The following PTPRD variants were observed in gnomAD, a reference collection of about 807,000 sequenced individuals.
PTPRD encodes the protein protein tyrosine phosphatase receptor type D.
Under a neutral mutation model 214.5 loss-of-function variants are expected in PTPRD, and 34 were observed. The ratio of observed to expected loss-of-function variants is 0.16; its 90% confidence interval spans 0.12 to 0.21. PTPRD has a LOEUF of 0.21. Ranked by LOEUF, PTPRD falls within the 10% of genes least tolerant of loss-of-function variation. The pLI, the probability that PTPRD is intolerant of heterozygous loss-of-function variation, is 1.00. For missense variants in PTPRD, 2,545 were observed against 2,398.7 expected (o/e 1.06, Z -1.27); for synonymous variants, 1,128 against 845.7 (o/e 1.33, Z -5.79).
chr9:10,074,467 G>C (rs2098095678), intron 3 of PTPRD, among the ~76,000 whole-genome samples: 1 of 152,072 alleles, frequency 6.6e-6, no homozygotes, highest in East Asian at 1.9e-4. Context: ...AACTTCTAAA[G>C]CTGACAGAGG....
At chr9:8,657,164 CT>C (rs749246223) in intron 12 of PTPRD, among the ~76,000 whole-genome samples, 12,327 of 123,020 alleles carry the variant, frequency 0.1, 385 homozygotes, top group East Asian at 0.17. Flanking sequence ...CTTTTGCCCA[CT>C]TTTTTTTTTT....
rs1313321064 is a variant in PTPRD at position 10,496,676 on chromosome 9, T to C, written c.-600+115722A>G. On this transcript the variant is annotated intron_variant, in intron 2 of 45. Transcript: ENST00000381196. ...ACTGGTGTAAGATAGTAACTCATTGTGGTTTTAATTTGCATTTCTCTGATA... is the reference window on the plus strand; with the variant it reads ...ACTGGTGTAAGATAGTAACTCATTGCGGTTTTAATTTGCATTTCTCTGATA... Among the ~76,000 whole-genome samples the C allele has an allele frequency of 2.6e-5, 4 of 152,070 alleles. No homozygotes were observed. The South Asian group carries it at 6.2e-4, about 24-fold the overall frequency.
At chr9:10,099,745 G>A (rs1242528682) in intron 3 of PTPRD, among the ~76,000 whole-genome samples, 7 of 151,572 alleles carry the variant, frequency 4.6e-5, no homozygotes, top group African/African-American at 1.7e-4. Context: ...TAATAAAAGA[G>A]TGTGGAAGTG....
chr9:10,072,094 A>C (rs1470687511), intron 3 of PTPRD, among the ~76,000 whole-genome samples: 1 of 152,012 alleles, frequency 6.6e-6, no homozygotes, highest in African/African-American at 2.4e-5. Flanking sequence ...ATATATTTGC[A>C]AATTACATAT....
intron 7 of PTPRD, among the ~76,000 whole-genome samples, chr9:9,653,912 T>C (rs1187710874): frequency 3.9e-5 from 6 of 152,210 alleles, no homozygotes; most frequent in Admixed American, 2.6e-4. Flanking sequence ...AAGGCTTATT[T>C]AAATGATGTT....
At chr9:9,344,274 C>T (rs1008566091) in intron 9 of PTPRD, among the ~76,000 whole-genome samples, 1 of 151,714 alleles carries the variant, frequency 6.6e-6, no homozygotes, top group Non-Finnish European at 1.5e-5. Flanking sequence ...GGGAGTTGCA[C>T]AGTGAGAACA....
intron 10 of PTPRD, among the ~76,000 whole-genome samples, chr9:9,162,177 G>T (rs2099890861): frequency 6.6e-6 from 1 of 152,056 alleles, no homozygotes; most frequent in Admixed American, 6.6e-5. Flanking sequence ...ATGCACCACG[G>T]TTGCTAAACT....
chr9:9,877,973 C>CA (rs758528718), intron 5 of PTPRD, among the ~76,000 whole-genome samples: 34,913 of 70,418 alleles, frequency 0.5, 8,062 homozygotes, highest in East Asian at 0.81. Flanking sequence ...AACTCCATCT[C>CA]AAAAAAAAAA....
intron 3 of PTPRD, among the ~76,000 whole-genome samples, chr9:10,195,357 T>C (rs2099393857): frequency 6.6e-6 from 1 of 152,116 alleles, no homozygotes; most frequent in Non-Finnish European, 1.5e-5. Context: ...TTCTGTTTTG[T>C]TAGAGACCCC....
chr9:9,016,730 T>C (rs141719869), intron 11 of PTPRD, among the ~76,000 whole-genome samples: 1 of 152,280 alleles, frequency 6.6e-6, no homozygotes, highest in Non-Finnish European at 1.5e-5. Context: ...CAAAGTCATT[T>C]GGGTGGCTTC....
intron 39 of PTPRD, among the ~76,000 whole-genome samples, chr9:8,351,408 T>A (rs2075407034): frequency 7.9e-6 from 1 of 127,092 alleles, no homozygotes; most frequent in Admixed American, 7.6e-5. Context: ...TTTTGTAGCT[T>A]TTTTTTTTAA....
At chr9:8,916,980 C>G (rs1231627404) in intron 11 of PTPRD, among the ~76,000 whole-genome samples, 1 of 151,748 alleles carries the variant, frequency 6.6e-6, no homozygotes, top group Non-Finnish European at 1.5e-5. Flanking sequence ...TAATCGTGTT[C>G]TCTTTATGAG....
intron 8 of PTPRD, among the ~76,000 whole-genome samples, chr9:9,568,018 T>C (rs188751665): frequency 8.7e-4 from 132 of 151,788 alleles, no homozygotes; most frequent in Admixed American, 1.5e-3. Flanking sequence ...TCTTTCAATA[T>C]TGAGGGATTC....
Position 9,807,653 on chromosome 9 carries a change from C to T in PTPRD, c.-367-40802G>A, listed in dbSNP as rs138333967. ...TTTACACATTGCTCTAGCATATTCACTTCGGAAACAAAAGACATCATTCTA... is the reference window on the plus strand; with the variant it reads ...TTTACACATTGCTCTAGCATATTCATTTCGGAAACAAAAGACATCATTCTA... On this transcript the variant is annotated intron_variant, in intron 5 of 45. Coordinates refer to ENST00000381196, the MANE Select transcript of PTPRD (RefSeq NM_002839.4). Among the ~76,000 whole-genome samples, 265 of 152,282 alleles carry T rather than the reference C, an allele frequency of 1.7e-3. 1 individual carries two copies. Among genetic ancestry groups the T allele is most frequent in the African/African-American group, 5.9e-3 (245 of 41,576 alleles).
chr9:9,427,862 T>G (rs2081565009), intron 8 of PTPRD, among the ~76,000 whole-genome samples: 1 of 152,134 alleles, frequency 6.6e-6, no homozygotes. Flanking sequence ...AAACAAATGC[T>G]GAGAGATTTT....
At chr9:10,403,751 G>C (rs1000268126) in intron 2 of PTPRD, among the ~76,000 whole-genome samples, 1 of 151,636 alleles carries the variant, frequency 6.6e-6, no homozygotes, top group Non-Finnish European at 1.5e-5. Context: ...ATACAAAAAG[G>C]CTACACACTA....
chr9:9,183,609 T>G (rs1443997455), intron 9 of PTPRD, among the ~76,000 whole-genome samples: 1 of 151,998 alleles, frequency 6.6e-6, no homozygotes, highest in African/African-American at 2.4e-5. Flanking sequence ...TATTGACTAT[T>G]CTTTAAAATG....
chr9:9,654,888 T>C (rs755376732), intron 7 of PTPRD, among the ~76,000 whole-genome samples: 14 of 152,136 alleles, frequency 9.2e-5, no homozygotes, highest in African/African-American at 1.4e-4. Flanking sequence ...AGCAATGATA[T>C]ATGAAATCCT....
chr9:9,397,053 G>T (rs7858077), intron 9 of PTPRD, among the ~76,000 whole-genome samples: 38,188 of 151,760 alleles, frequency 0.25, 4,948 homozygotes, highest in South Asian at 0.28. Flanking sequence ...TTTCTCTTAT[G>T]GTATGGATAG....
Sources: gnomAD v4.1 joint callset for allele counts (sites outside exome capture counted in the v4.1 genomes callset) on GRCh38, gnomAD v4.1.1 for gene constraint, MANE v1.5 for transcripts, NCBI Gene and HGNC (gene_info 2026-07-23, HGNC 2026-07-21) for gene names.